Variants in PRKRIP1 observed in about 807,000 individuals in gnomAD.
PRKRIP1 encodes the protein PRKR-interacting protein 1.
In PRKRIP1, 29 loss-of-function variants were observed where a neutral mutation model predicts 29.3. The ratio of observed to expected loss-of-function variants is 0.99; its 90% CI spans 0.74 to 1.35. The LOEUF (loss-of-function observed/expected upper bound fraction) is 1.35. Among genes scored for constraint, PRKRIP1 ranks in the 40% most tolerant of loss-of-function variants. The probability of loss-of-function intolerance (pLI) is 0.00; values close to 1 mark genes in which losing one functional copy is unlikely to be tolerated. For missense variants in PRKRIP1, 247 were observed against 236.8 expected, an observed-to-expected ratio of 1.04 and a Z score of -0.28; for synonymous variants, 90 against 85.1, an observed-to-expected ratio of 1.06 and a Z score of -0.32.
At chr7:102,418,704 C>T (rs1796615319) in intron 5 of PRKRIP1, among the ~76,000 whole-genome samples, 1 of 152,154 alleles carries the variant, frequency 6.6e-6, no homozygotes, top group Non-Finnish European at 1.5e-5. Flanking sequence ...TCAATGCCAG[C>T]ATACATGGAT....
At chr7:102,413,765 C>T (rs2133191430) in intron 5 of PRKRIP1, among the ~76,000 whole-genome samples, 1 of 152,132 alleles carries the variant, frequency 6.6e-6, no homozygotes, top group African/African-American at 2.4e-5. Flanking sequence ...AAGTGTTTTC[C>T]CAAGTCTGTA....
At chr7:102,410,668 G>A (rs782122317) in intron 5 of PRKRIP1, among the ~76,000 whole-genome samples, 9 of 152,164 alleles carry the variant, frequency 5.9e-5, no homozygotes, top group Admixed American at 3.3e-4. Flanking sequence ...TGAACAGCTC[G>A]AGGAGCATTT....
chr7:102,418,145 G>A (rs1188026856), intron 5 of PRKRIP1, among the ~76,000 whole-genome samples: 1 of 151,622 alleles, frequency 6.6e-6, no homozygotes, highest in African/African-American at 2.4e-5. Flanking sequence ...CGCCTCCCGG[G>A]TTCAAGCAAT....
chr7:102,419,749 G>A (rs1387101801), intron 5 of PRKRIP1, among the ~76,000 whole-genome samples: 2 of 151,984 alleles, frequency 1.3e-5, no homozygotes, highest in Non-Finnish European at 2.9e-5. Flanking sequence ...ATAGACCACC[G>A]TTTACCCACT....
chr7:102,406,468 G>A (rs928561042), intron 4 of PRKRIP1, among the ~76,000 whole-genome samples: 8 of 151,928 alleles, frequency 5.3e-5, no homozygotes, highest in Admixed American at 1.3e-4. Context: ...TTTGATTTTC[G>A]CTCAGCTCAT....
intron 5 of PRKRIP1, among the ~76,000 whole-genome samples, chr7:102,419,771 T>A (rs568002692): frequency 5.9e-5 from 9 of 152,270 alleles, no homozygotes; most frequent in African/African-American, 2.2e-4. Context: ...AAGGACAGCC[T>A]GGTTGTATCC....
chr7:102,396,595 G>C (rs1757438441), intron 1 of PRKRIP1, 58 bp downstream of exon 1: 1 of 1,553,404 alleles, frequency 6.4e-7, no homozygotes, highest in Admixed American at 2.1e-5. Context: ...CCTCTGCAGC[G>C]CTTCAGGGTT....
intron 5 of PRKRIP1, among the ~76,000 whole-genome samples, chr7:102,416,123 C>A (rs1006125961): frequency 1.3e-5 from 2 of 152,266 alleles, no homozygotes; most frequent in Non-Finnish European, 2.9e-5. Context: ...TGCCAGCCTG[C>A]CCCATGGGGT....
intron 4 of PRKRIP1, among the ~76,000 whole-genome samples, chr7:102,405,223 G>A (rs1482943327): frequency 4.6e-5 from 7 of 152,136 alleles, no homozygotes; most frequent in African/African-American, 1.7e-4. Context: ...CACCACACAC[G>A]GCCGCATCTG....
chr7:102,404,612 A>C lies in PRKRIP1; in HGVS notation c.321A>C (p.Ala107=). ...DAMAEKQKLD[A]EFQKRLEKNK... ...TTTTGTTGCAGCAAAAATTGGATGC[A>C]GAGTTTCAGAAAAGACTGGAAAAGA... The change falls in exon 4 of 6, where the codon GCA becomes GCC. Residue 107 remains alanine (A), a synonymous_variant. Coordinates refer to ENST00000397912, the MANE Select transcript of PRKRIP1 (RefSeq NM_024653.4). 6.2e-7 allele frequency: 1 copy of C among 1,613,882 alleles called. No individual in the cohort carries two copies. Among genetic ancestry groups the C allele is most frequent in the Non-Finnish European group, 8.5e-7 (1 of 1,179,834 alleles).
chr7:102,396,583 T>G, intron 1 of PRKRIP1, 46 bp downstream of exon 1: 3 of 1,579,266 alleles, frequency 1.9e-6, no homozygotes, highest in Non-Finnish European at 2.6e-6. Flanking sequence ...GCCCACCCCC[T>G]TCCTCTGCAG....
rs76976794 is a variant in PRKRIP1, at chr7:102,401,020, G to A, written c.306+1372G>A. 1.9e-3 allele frequency among the ~76,000 whole-genome samples: 290 copies of A among 152,244 alleles called. 1 individual carries two copies. The highest frequency in any genetic ancestry group is 3.4e-3 in the Non-Finnish European group (228 of 68,024). On this transcript the variant is annotated intron_variant, in intron 3 of 5. Transcript: ENST00000397912. ...CGTGCATGCTTGAATGTTCAAGAAT[G>A]GAACTTCCCGATGTCTGCAGCTTAC... is the stretch of plus-strand genomic sequence containing the variant.
chr7:102,407,455 A>T lies in PRKRIP1; in HGVS notation c.414A>T (p.Lys138Asn), dbSNP rs1554571998. ...RKKRQKLKEK[K>N]LLAKKMKLEQ... ...TTAGCCAGAAGTTAAAAGAGAAGAA[A>T]TTACTGGCAAAGAAGATGAAACTTG... Residue 138 changes from lysine (K) to asparagine (N), a missense_variant, in exon 5 of 6, where the codon AAA (lysine) becomes AAT (asparagine). By Grantham distance (94) the Lys-to-Asn change is moderately conservative. This residue lies in a region of PRKRIP1 where 134 missense variants were observed against 126.6 expected (regional missense o/e 1.06). Transcript: ENST00000397912. The T allele has an allele frequency of 3.1e-6, 5 of 1,612,170 alleles. No homozygotes were observed. In the African/African-American group the frequency reaches 5.3e-5, roughly 17 times the overall value.
At chr7:102,404,446 C>G (rs1475782055) in intron 3 of PRKRIP1, 152 bp from the exon 4 acceptor site, 6 of 665,444 alleles carry the variant, frequency 9.0e-6, no homozygotes, top group African/African-American at 5.4e-5. Context: ...TCTGGGACAG[C>G]CTTTTAAAGT....
rs1462445116 is a variant in PRKRIP1, at chr7:102,404,530, G to T, written c.307-68G>T. On this transcript the variant is annotated intron_variant, in intron 3 of 5. Transcript: ENST00000397912. ...GTGACTTCTAGAACTCTCCTACTTT[G>T]CCTGAGCAAAACCTCCCACAGTCTG... The T allele has an allele frequency of 5.3e-5, 70 of 1,311,508 alleles. 2 individuals carry two copies. In the Admixed American group the frequency reaches 1.3e-3, roughly 24 times the overall value. 81.2% of individuals were successfully genotyped at this position (1,311,508 alleles called of 1,614,324 possible).
chr7:102,396,510 C>T lies in PRKRIP1; in HGVS notation c.99C>T (p.Leu33=). 1 of 1,609,746 alleles carries T rather than the reference C, an allele frequency of 6.2e-7. No individual in the cohort carries two copies. Among genetic ancestry groups the T allele is most frequent in the South Asian group, 1.1e-5 (1 of 90,896 alleles). Residue 33 remains leucine (L), a synonymous_variant, in exon 1 of 6, where the codon CTC becomes CTT. Coordinates refer to ENST00000397912, the MANE Select transcript of PRKRIP1 (RefSeq NM_024653.4). ...AGAATGCGGCGGAGGAGCAGAAGCT[C>T]AAGCTGGAGCGGCTCATGAAGAACC... ...IPKNAAEEQK[L]KLERLMKNPD...
At chr7:102,413,628 C>G (rs1322294169) in intron 5 of PRKRIP1, among the ~76,000 whole-genome samples, 1 of 152,114 alleles carries the variant, frequency 6.6e-6, no homozygotes, top group Non-Finnish European at 1.5e-5. Flanking sequence ...TATCTGTAAC[C>G]TGTACTAAAA....
At chr7:102,407,998 G>A (rs1052997995) in intron 5 of PRKRIP1, among the ~76,000 whole-genome samples, 1 of 152,188 alleles carries the variant, frequency 6.6e-6, no homozygotes, top group Non-Finnish European at 1.5e-5. Context: ...ACAAAATGCA[G>A]CAACAAAGTG....
At chr7:102,419,940 G>T (rs1796652136) in intron 5 of PRKRIP1, among the ~76,000 whole-genome samples, 1 of 151,308 alleles carries the variant, frequency 6.6e-6, no homozygotes, top group Non-Finnish European at 1.5e-5. Flanking sequence ...GAGTGCAGTG[G>T]CGCAATCTCA....
Sources: gnomAD v4.1 joint callset for allele counts (sites outside exome capture counted in the v4.1 genomes callset) on GRCh38, gnomAD v4.1.1 for gene constraint, gnomAD v4.1.1 regional missense constraint, MANE v1.5 for transcripts, NCBI Gene and HGNC (gene_info 2026-07-23, HGNC 2026-07-21) for gene names.